Variants in PTPRD observed in about 807,000 individuals in gnomAD.
The protein encoded by PTPRD is protein tyrosine phosphatase receptor type D.
A neutral mutation model predicts 214.5 loss-of-function variants in PTPRD; 34 were observed. The ratio of observed to expected loss-of-function variants is 0.16; its 90% CI spans 0.12 to 0.21. PTPRD has a LOEUF of 0.21. Among genes scored for constraint, PTPRD ranks in the 10% least tolerant of loss-of-function variants. The pLI, the probability that PTPRD is intolerant of heterozygous loss-of-function variation, is 1.00. For synonymous variants in PTPRD, 1,128 were observed against 845.7 expected (o/e 1.33, Z -5.79); for missense variants, 2,545 against 2,398.7 (o/e 1.06, Z -1.27).
chr9:8,519,133 T>A (rs2097843802), intron 20 of PTPRD, among the ~76,000 whole-genome samples: 1 of 152,168 alleles, frequency 6.6e-6, no homozygotes, highest in Non-Finnish European at 1.5e-5. Flanking sequence ...AAATCAATGC[T>A]TTATTCTTAA....
intron 9 of PTPRD, among the ~76,000 whole-genome samples, chr9:9,383,233 C>T (rs973175176): frequency 1.3e-4 from 20 of 151,888 alleles, no homozygotes; most frequent in African/African-American, 4.8e-4. Context: ...CTATATACTC[C>T]CTAAAGACAA....
At chr9:10,135,288 A>T (rs1479510010) in intron 3 of PTPRD, among the ~76,000 whole-genome samples, 1 of 152,146 alleles carries the variant, frequency 6.6e-6, no homozygotes, top group African/African-American at 2.4e-5. Flanking sequence ...GAGATTAAGC[A>T]ACTTGGAAAC....
intron 9 of PTPRD, among the ~76,000 whole-genome samples, chr9:9,216,778 T>C (rs954683793): frequency 6.6e-6 from 1 of 152,120 alleles, no homozygotes; most frequent in Non-Finnish European, 1.5e-5. Context: ...AATATTAGGG[T>C]TATTATAGAC....
chr9:9,948,452 T>A (rs1484993380), intron 4 of PTPRD, among the ~76,000 whole-genome samples: 1 of 152,062 alleles, frequency 6.6e-6, no homozygotes, highest in Non-Finnish European at 1.5e-5. Flanking sequence ...TACTGAATCT[T>A]TGGCAAATAA....
intron 3 of PTPRD, among the ~76,000 whole-genome samples, chr9:10,080,869 T>C (rs564433375): frequency 1.3e-4 from 20 of 152,228 alleles, no homozygotes; most frequent in African/African-American, 4.6e-4. Context: ...GGTATGAATA[T>C]TCTAAAAACA....
rs113818054 is a variant in PTPRD, at chr9:10,347,572, G to A, written c.-599-6555C>T. The stretch of plus-strand genomic sequence containing the variant: ...ATTACAGGTGTCTGCCACTACACCC[G>A]GCTAATTTTTACATTTTTAGTAGAG... On this transcript the variant is annotated intron_variant, in intron 2 of 45. Transcript: ENST00000381196. 1.4e-3 allele frequency among the ~76,000 whole-genome samples: 219 copies of A among 151,436 alleles called. 3 individuals carry two copies. Among genetic ancestry groups the A allele is most frequent in the African/African-American group, 4.6e-3 (190 of 41,316 alleles).
At chr9:10,060,689 G>A (rs750550816) in intron 3 of PTPRD, among the ~76,000 whole-genome samples, 19 of 137,396 alleles carry the variant, frequency 1.4e-4, no homozygotes, top group Non-Finnish European at 2.7e-4. Context: ...ATGTTTTATA[G>A]GTTCACAAAA....
intron 24 of PTPRD, among the ~76,000 whole-genome samples, chr9:8,500,523 G>A (rs1886023): frequency 1.2e-5 from 1 of 85,402 alleles, no homozygotes; most frequent in Non-Finnish European, 2.1e-5. Flanking sequence ...TTCTTTTAAA[G>A]AGAAGCAAAT....
intron 2 of PTPRD, among the ~76,000 whole-genome samples, chr9:10,488,898 A>G (rs1444336515): frequency 9.2e-5 from 14 of 152,108 alleles, no homozygotes; most frequent in Admixed American, 8.5e-4. Flanking sequence ...ATGCAGTCCA[A>G]TAGCCAAGTC....
chr9:8,854,440 G>A (rs762122021), intron 11 of PTPRD, among the ~76,000 whole-genome samples: 3 of 152,138 alleles, frequency 2.0e-5, no homozygotes, highest in Non-Finnish European at 4.4e-5. Flanking sequence ...ATTATGCATA[G>A]AATCCTTTTA....
At chr9:9,687,194 C>G (rs773727547) in intron 7 of PTPRD, among the ~76,000 whole-genome samples, 1 of 151,794 alleles carries the variant, frequency 6.6e-6, no homozygotes, top group Non-Finnish European at 1.5e-5. Context: ...CTCGTGAGTT[C>G]CTAGGAAACA....
In PTPRD at chr9:8,818,529, G is replaced by A. The variant is rs1306716550; in HGVS notation, c.-103-84583C>T. On this transcript the variant is annotated intron_variant, in intron 11 of 45. Coordinates refer to ENST00000381196, the MANE Select transcript of PTPRD (RefSeq NM_002839.4). ...GTCTTCAATTCTCACAGTAATTAAGGTGAGGTTATTCTCATTTTACAGATT... is the reference window on the plus strand; with the variant it reads ...GTCTTCAATTCTCACAGTAATTAAGATGAGGTTATTCTCATTTTACAGATT... Among the ~76,000 whole-genome samples, 3 of 152,132 alleles carry A rather than the reference G, an allele frequency of 2.0e-5. No individual in the cohort carries two copies. The South Asian group carries it at 6.2e-4, about 32-fold the overall frequency.
chr9:8,788,315 G>A (rs966029799), intron 11 of PTPRD, among the ~76,000 whole-genome samples: 7 of 117,250 alleles, frequency 6.0e-5, no homozygotes, highest in Non-Finnish European at 8.1e-5. Flanking sequence ...CGCTTTTGTC[G>A]CCCAGGCAGG....
chr9:8,602,591 C>A (rs982305680), intron 14 of PTPRD, among the ~76,000 whole-genome samples: 2 of 152,146 alleles, frequency 1.3e-5, no homozygotes, highest in African/African-American at 4.8e-5. Context: ...TTTTATCTGA[C>A]ATAAAACCAA....
chr9:9,618,016 G>A (rs925481785), intron 7 of PTPRD, among the ~76,000 whole-genome samples: 6 of 132,728 alleles, frequency 4.5e-5, no homozygotes, highest in African/African-American at 1.7e-4. Context: ...AGCTTGCAGT[G>A]AGCCCAGATC....
At chr9:10,274,200 A>C (rs1435660153) in intron 3 of PTPRD, among the ~76,000 whole-genome samples, 1 of 152,164 alleles carries the variant, frequency 6.6e-6, no homozygotes, top group Non-Finnish European at 1.5e-5. Flanking sequence ...GCCATATGAA[A>C]ACTGGATCAT....
intron 10 of PTPRD, among the ~76,000 whole-genome samples, chr9:9,135,152 G>T (rs988546678): frequency 1.3e-5 from 2 of 152,148 alleles, no homozygotes; most frequent in African/African-American, 2.4e-5. Context: ...GTTTAAAGAC[G>T]TATCATATTT....
chr9:9,131,375 A>G (rs10977509), intron 10 of PTPRD, among the ~76,000 whole-genome samples: 7,487 of 152,280 alleles, frequency 0.049, 423 homozygotes, highest in African/African-American at 0.13. Context: ...GACTTTTCAC[A>G]GCCTATACAA....
chr9:8,408,965 G>T (rs2093292742), intron 35 of PTPRD, among the ~76,000 whole-genome samples: 1 of 152,102 alleles, frequency 6.6e-6, no homozygotes, highest in Non-Finnish European at 1.5e-5. Context: ...TTAACTTGAT[G>T]GTCTGAAAGT....
Sources: gnomAD v4.1 joint callset for allele counts (sites outside exome capture counted in the v4.1 genomes callset) on GRCh38, gnomAD v4.1.1 for gene constraint, MANE v1.5 for transcripts, NCBI Gene and HGNC (gene_info 2026-07-23, HGNC 2026-07-21) for gene names.